The following ZNF385D variants were observed in gnomAD, a reference collection of about 807,000 sequenced individuals.
ZNF385D encodes zinc finger protein 385D, also known as zinc finger protein 659.
A neutral mutation model predicts 35.8 loss-of-function variants in ZNF385D; 15 were observed. The observed-to-expected ratio is 0.42, with a 90% CI of 0.28 to 0.64. ZNF385D has a LOEUF of 0.64. Among genes scored for constraint, ZNF385D ranks in the 30% least tolerant of loss-of-function variants. The probability of loss-of-function intolerance (pLI) is 0.23; values close to 1 mark genes in which losing one functional copy is unlikely to be tolerated. For missense variants in ZNF385D, 474 were observed against 494.6 expected (o/e 0.96, Z 0.39); for synonymous variants, 212 against 186.8 (o/e 1.13, Z -1.10).
chr3:22,297,042 T>G (rs2125406086), intron 2 of ZNF385D, among the ~76,000 whole-genome samples: 1 of 152,264 alleles, frequency 6.6e-6, no homozygotes, highest in South Asian at 2.1e-4. Context: ...CCTGCAATTA[T>G]TTATGTGATA....
At chr3:22,301,892 C>T (rs758341762) in intron 2 of ZNF385D, among the ~76,000 whole-genome samples, 1 of 151,872 alleles carries the variant, frequency 6.6e-6, no homozygotes, top group African/African-American at 2.4e-5. Context: ...TTTTGTTATT[C>T]TTTGTAGTAT....
intron 3 of ZNF385D, among the ~76,000 whole-genome samples, chr3:21,865,335 G>A (rs1697288874): frequency 6.6e-6 from 1 of 151,808 alleles, no homozygotes; most frequent in Non-Finnish European, 1.5e-5. Flanking sequence ...TGACTTATTG[G>A]ATACAGGTCT....
chr3:21,778,242 C>T (rs577327989), intron 3 of ZNF385D, among the ~76,000 whole-genome samples: 1 of 151,986 alleles, frequency 6.6e-6, no homozygotes, highest in Admixed American at 6.6e-5. Context: ...TGAGACGTGC[C>T]TCTCACTGGA....
intron 4 of ZNF385D, among the ~76,000 whole-genome samples, chr3:21,502,110 G>A (rs1025010766): frequency 2.0e-5 from 3 of 152,154 alleles, no homozygotes; most frequent in African/African-American, 7.2e-5. Context: ...ATGCAGGGGT[G>A]GGGGTGCTTT....
chr3:21,731,984 C>T (rs575196493), intron 1 of ZNF385D, among the ~76,000 whole-genome samples: 2 of 142,566 alleles, frequency 1.4e-5, no homozygotes, highest in South Asian at 4.6e-4. Flanking sequence ...CAAGTTTTGG[C>T]ACTTATGAAT....
At chr3:22,178,047 G>A (rs1052477343) in intron 2 of ZNF385D, among the ~76,000 whole-genome samples, 1 of 152,124 alleles carries the variant, frequency 6.6e-6, no homozygotes, top group Non-Finnish European at 1.5e-5. Flanking sequence ...TTAAACATAT[G>A]TGTACATGTG....
chr3:22,324,753 C>G (rs1192187687), intron 2 of ZNF385D, among the ~76,000 whole-genome samples: 1 of 152,176 alleles, frequency 6.6e-6, no homozygotes, highest in Non-Finnish European at 1.5e-5. Context: ...TTACTGCCTT[C>G]CCTCACCACA....
chr3:22,129,325 T>C (rs78045325), intron 3 of ZNF385D, among the ~76,000 whole-genome samples: 2,765 of 152,234 alleles, frequency 0.018, 100 homozygotes, highest in African/African-American at 0.062. Flanking sequence ...GTTGTGACTA[T>C]TCCTTGGATA....
chr3:21,796,788 C>T (rs4464480), intron 3 of ZNF385D, among the ~76,000 whole-genome samples: 11,113 of 152,222 alleles, frequency 0.073, 547 homozygotes, highest in Non-Finnish European at 0.099. Flanking sequence ...AGTGCCAGAG[C>T]TAGATTTGAA....
At chr3:21,644,086 A>C (rs2065682778) in intron 2 of ZNF385D, among the ~76,000 whole-genome samples, 1 of 152,150 alleles carries the variant, frequency 6.6e-6, no homozygotes, top group African/African-American at 2.4e-5. Flanking sequence ...GAGTTGTTGG[A>C]AATTGCAACT....
At chr3:21,968,903 G>C (rs908078200) in intron 3 of ZNF385D, among the ~76,000 whole-genome samples, 1 of 152,198 alleles carries the variant, frequency 6.6e-6, no homozygotes, top group African/African-American at 2.4e-5. Flanking sequence ...GTGGTGTGGA[G>C]TACCAAGTGT....
rs187532681 is a variant in ZNF385D at position 22,060,674 on chromosome 3, G to A, written c.325+108143C>T. 3.0e-3 allele frequency among the ~76,000 whole-genome samples: 455 copies of A among 152,136 alleles called. 1 individual carries two copies. Among genetic ancestry groups the A allele is most frequent in the African/African-American group, 0.011 (441 of 41,540 alleles). ...AGCCATGGAAACTAGTGATCTTAGA[G>A]CATGAGGAAATGAAGTTTTAGATGA... On this transcript the variant is annotated intron_variant, in intron 3 of 5. Coordinates refer to the ZNF385D transcript ENST00000494108.
intron 3 of ZNF385D, among the ~76,000 whole-genome samples, chr3:21,959,693 T>C (rs1447370562): frequency 2.0e-5 from 3 of 152,166 alleles, no homozygotes; most frequent in Non-Finnish European, 4.4e-5. Flanking sequence ...AAAAGGAACC[T>C]TGGGCCTGTG....
chr3:22,221,985 ATTTTT>A (rs569465454), intron 2 of ZNF385D, among the ~76,000 whole-genome samples: 8 of 148,472 alleles, frequency 5.4e-5, no homozygotes, highest in African/African-American at 2.0e-4. Flanking sequence ...AACCATTCCG[ATTTTT>A]TTTTTTAAGA....
intron 3 of ZNF385D, among the ~76,000 whole-genome samples, chr3:21,988,984 G>T (rs1694986845): frequency 1.3e-5 from 2 of 152,112 alleles, no homozygotes; most frequent in Non-Finnish European, 2.9e-5. Flanking sequence ...CGCTTCCCAG[G>T]TGAGGCAATG....
chr3:22,118,595 C>CT (rs1025349863), intron 3 of ZNF385D, among the ~76,000 whole-genome samples: 42 of 151,900 alleles, frequency 2.8e-4, no homozygotes, highest in African/African-American at 9.9e-4. Flanking sequence ...AGCAATTCAA[C>CT]TTTTTTTTCC....
At chr3:22,191,954 A>C (rs1361217883) in intron 2 of ZNF385D, among the ~76,000 whole-genome samples, 1 of 152,190 alleles carries the variant, frequency 6.6e-6, no homozygotes, top group African/African-American at 2.4e-5. Context: ...ACAAAGCATG[A>C]TTCCTCTTAA....
At chr3:21,478,562 T>C (rs1704395378) in intron 4 of ZNF385D, among the ~76,000 whole-genome samples, 1 of 152,198 alleles carries the variant, frequency 6.6e-6, no homozygotes, top group South Asian at 2.1e-4. Context: ...TGTAAGCCAC[T>C]GAGATTGGGA....
chr3:22,222,270 A>G (rs1576519797), intron 2 of ZNF385D, among the ~76,000 whole-genome samples: 1 of 151,640 alleles, frequency 6.6e-6, no homozygotes, highest in African/African-American at 2.4e-5. Flanking sequence ...CCGGCTAACC[A>G]CTCTCAATTC....
Sources: allele counts gnomAD v4.1 joint callset (sites outside exome capture counted in the v4.1 genomes callset), GRCh38; gene constraint gnomAD v4.1.1; transcripts MANE v1.5; gene names NCBI Gene and HGNC (gene_info 2026-07-23, HGNC 2026-07-21).